The following GALNT9 variants were observed in gnomAD, a reference collection of about 807,000 sequenced individuals.
GALNT9 encodes the protein GalNAc transferase 9.
Under a neutral mutation model 63.1 loss-of-function variants are expected in GALNT9, and 47 were observed. The observed-to-expected ratio is 0.75, with a 90% CI of 0.59 to 0.95. The LOEUF (loss-of-function observed/expected upper bound fraction) is 0.95, where lower values mean the gene tolerates loss of function less well. GALNT9 is among the 40% of genes least tolerant of loss of function. GALNT9 has a pLI of 0.00. For missense variants in GALNT9, 829 were observed against 874.8 expected, an observed-to-expected ratio of 0.95 and a Z score of 0.66; for synonymous variants, 396 against 365.7, an observed-to-expected ratio of 1.08 and a Z score of -0.94.
At position 132,238,214 on chromosome 12, in the gene GALNT9, G is replaced by A. The variant is rs1878075506; in HGVS notation, c.1077+9696C>T. On this transcript the variant is annotated intron_variant, in intron 6 of 10. Coordinates refer to ENST00000328957, the MANE Select transcript of GALNT9 (RefSeq NM_001122636.2). This position sits in a 1 kb window ranked among gnomAD's most constrained non-coding sequence, Gnocchi z 6.5. ...GGCTGCTCAGGACCCAGGAGAGAGG[G>A]GAGAGAGGGGGCGTCATCCCAGAGC... Among the ~76,000 whole-genome samples, 1 of 152,132 alleles carries A rather than the reference G, an allele frequency of 6.6e-6. No homozygotes were observed. Among genetic ancestry groups the A allele is most frequent in the Non-Finnish European group, 1.5e-5 (1 of 68,026 alleles).
intron 6 of GALNT9, among the ~76,000 whole-genome samples, chr12:132,211,253 C>T (rs1395878423): frequency 6.6e-6 from 1 of 152,174 alleles, no homozygotes; most frequent in Admixed American, 6.5e-5. Context: ...AAATGCTTTC[C>T]AAGAGTTTGT....
At chr12:132,249,092 T>C (rs1878818183) in intron 5 of GALNT9, among the ~76,000 whole-genome samples, 1 of 152,176 alleles carries the variant, frequency 6.6e-6, no homozygotes, top group South Asian at 2.1e-4. Context: ...GAAAATCACA[T>C]CTCCAGCAAG....
At chr12:132,291,110 C>A (rs1555242694) in intron 1 of GALNT9, among the ~76,000 whole-genome samples, 1 of 57,852 alleles carries the variant, frequency 1.7e-5, no homozygotes, top group Non-Finnish European at 3.3e-5. Flanking sequence ...TCCATAGCAC[C>A]CACATCCACA....
chr12:132,282,081 T>G lies in GALNT9; in HGVS notation c.419+4169A>C, dbSNP rs55998223. On this transcript the variant is annotated intron_variant, in intron 2 of 10. Coordinates refer to ENST00000328957, the MANE Select transcript of GALNT9 (RefSeq NM_001122636.2). The surrounding 1 kb of genome is among the most constrained non-coding windows in gnomAD (Gnocchi z 4.5). ...CAGCAAGCCCAGGCCTGGGGGTCCC[T>G]GATCCCACAGAGGAGGAATCAGCTC... 1.1e-5 allele frequency among the ~76,000 whole-genome samples: 1 copy of G among 92,148 alleles called. No homozygotes were observed. The highest frequency in any genetic ancestry group is 3.6e-4 in the East Asian group (1 of 2,796). 60.5% of individuals were successfully genotyped at this position (92,148 alleles called of 152,430 possible).
chr12:132,300,319 T>C (rs1469524574), intron 1 of GALNT9, among the ~76,000 whole-genome samples: 18 of 117,078 alleles, frequency 1.5e-4, no homozygotes, highest in East Asian at 2.7e-4. Flanking sequence ...CTGAGATAAC[T>C]CACTCCCATA....
Position 132,310,823 on chromosome 12 carries a change from TGGCCTGA to T in GALNT9, c.238+18136_238+18142del, listed in dbSNP as rs1881785872. 2.0e-5 allele frequency among the ~76,000 whole-genome samples: 3 copies of T among 152,178 alleles called. No individual in the cohort carries two copies. The highest frequency in any genetic ancestry group is 7.2e-5 in the African/African-American group (3 of 41,458). ...CGCAAAGAGGAACTAGGTGTGGCTG[TGGCCTGA>T]GGGAGGTGATCCCCAAACAGCCCAA... On this transcript the variant is annotated intron_variant, in intron 1 of 10. Coordinates refer to ENST00000328957, the MANE Select transcript of GALNT9 (RefSeq NM_001122636.2). This position sits in a 1 kb window ranked among gnomAD's most constrained non-coding sequence, Gnocchi z 4.8.
chr12:132,239,904 GA>G (rs1398787503), intron 6 of GALNT9, among the ~76,000 whole-genome samples: 1 of 152,102 alleles, frequency 6.6e-6, no homozygotes, highest in Admixed American at 6.5e-5. Flanking sequence ...GATGCAGAGA[GA>G]GGGGAATCAT....
chr12:132,258,402 C>T (rs563029313), intron 4 of GALNT9, among the ~76,000 whole-genome samples: 11 of 152,330 alleles, frequency 7.2e-5, no homozygotes, highest in South Asian at 2.1e-4. Flanking sequence ...ACGGGGAGCT[C>T]GCACGGTGTG....
chr12:132,211,443 G>A (rs562140998), intron 6 of GALNT9, among the ~76,000 whole-genome samples: 144 of 152,286 alleles, frequency 9.5e-4, no homozygotes, highest in African/African-American at 3.4e-3. Context: ...GACCTAGTAC[G>A]AGAAAACACC....
intron 1 of GALNT9, among the ~76,000 whole-genome samples, chr12:132,300,784 T>TCCCACCACACCTAACCCACC (rs1180289786): frequency 1.4e-5 from 2 of 139,162 alleles, no homozygotes; most frequent in Non-Finnish European, 3.1e-5. Flanking sequence ...ACTAACCCAC[T>TCCCACCACACCTAACCCACC]CCCACCACAC....
At chr12:132,302,818 A>T (rs991468111) in intron 1 of GALNT9, among the ~76,000 whole-genome samples, 1 of 152,134 alleles carries the variant, frequency 6.6e-6, no homozygotes, top group Non-Finnish European at 1.5e-5. Flanking sequence ...AGGGGACGGG[A>T]CGGGGTGGGA....
At chr12:132,197,755 GCC>G in intron 10 of GALNT9, 35 bp downstream of exon 10, 1 of 613,272 alleles carries the variant, frequency 1.6e-6, no homozygotes, top group Non-Finnish European at 2.7e-6. Flanking sequence ...GCCCTGCCCC[GCC>G]CCAACCCCAC....
chr12:132,197,551 G>A (rs983580774), intron 10 of GALNT9, among the ~76,000 whole-genome samples: 1 of 148,726 alleles, frequency 6.7e-6, no homozygotes, highest in Non-Finnish European at 1.5e-5. Context: ...CAGATGCAGG[G>A]CTATGATCAG....
intron 6 of GALNT9, among the ~76,000 whole-genome samples, chr12:132,223,077 C>A (rs1877529913): frequency 1.5e-5 from 2 of 129,440 alleles, no homozygotes. Flanking sequence ...CCCACATACA[C>A]CCCACACACA....
At chr12:132,305,406 C>A (rs1477538359) in intron 1 of GALNT9, among the ~76,000 whole-genome samples, 1 of 57,950 alleles carries the variant, frequency 1.7e-5, no homozygotes, top group South Asian at 7.8e-4. Context: ...CCGGGGCACA[C>A]CCTCACCCGG....
intron 2 of GALNT9, among the ~76,000 whole-genome samples, chr12:132,285,980 C>CT (rs1218162612): frequency 1.3e-5 from 2 of 152,170 alleles, no homozygotes; most frequent in Non-Finnish European, 2.9e-5. Flanking sequence ...GACTGCTCCA[C>CT]TTTCCCACAG....
At chr12:132,294,703 A>G (rs1313195457) in intron 1 of GALNT9, among the ~76,000 whole-genome samples, 2 of 139,486 alleles carry the variant, frequency 1.4e-5, no homozygotes, top group African/African-American at 5.2e-5. Flanking sequence ...GAGCAGGTGC[A>G]GACCCGGGGC....
rs1880406592 is a variant in GALNT9, at chr12:132,282,611, A to C, written c.419+3639T>G. 6.6e-6 allele frequency among the ~76,000 whole-genome samples: 1 copy of C among 151,436 alleles called. No individual in the cohort carries two copies. Among genetic ancestry groups the C allele is most frequent in the African/African-American group, 2.4e-5 (1 of 41,130 alleles). ...CCCCTCTTGATGATAAGGTTGCTGC[A>C]GCTCCCCCAGCTCCCAGCCTTGGTT... On this transcript the variant is annotated intron_variant, in intron 2 of 10. Coordinates refer to ENST00000328957, the MANE Select transcript of GALNT9 (RefSeq NM_001122636.2). The surrounding 1 kb of genome is among the most constrained non-coding windows in gnomAD (Gnocchi z 4.5).
intron 2 of GALNT9, chr12:132,284,088 C>T (rs959481211): frequency 6.6e-6 from 1 of 151,470 alleles, no homozygotes; most frequent in Non-Finnish European, 1.5e-5. Flanking sequence ...CACACATGCA[C>T]ACACACGCAT....
Sources: allele counts gnomAD v4.1 joint callset (sites outside exome capture counted in the v4.1 genomes callset), GRCh38; gene constraint gnomAD v4.1.1; non-coding constraint Gnocchi (gnomAD v3.1); transcripts MANE v1.5; gene names NCBI Gene and HGNC (gene_info 2026-07-23, HGNC 2026-07-21).